Variants in AP3S1 observed in about 807,000 individuals in gnomAD.
AP3S1 encodes adaptor related protein complex 3 subunit sigma 1.
In AP3S1, 12 loss-of-function variants were observed where a neutral mutation model predicts 21.3. That is an observed-to-expected ratio of 0.56 (90% CI 0.36 to 0.91). The LOEUF is 0.91. Among genes scored for constraint, AP3S1 ranks in the 40% least tolerant of loss-of-function variants. AP3S1 has a pLI of 0.01. For synonymous variants in AP3S1, 48 were observed against 78.4 expected, an observed-to-expected ratio of 0.61 and a Z score of 2.05; for missense variants, 116 against 225.0, an observed-to-expected ratio of 0.52 and a Z score of 3.10.
At chr5:115,876,038 G>A (rs1172719727) in intron 3 of AP3S1, among the ~76,000 whole-genome samples, 2 of 152,088 alleles carry the variant, frequency 1.3e-5, no homozygotes, top group Admixed American at 1.3e-4. Flanking sequence ...CTTTTAGGAG[G>A]CATCATGGCG....
At chr5:115,901,353 A>G (rs1314148980) in intron 4 of AP3S1, among the ~76,000 whole-genome samples, 2 of 151,242 alleles carry the variant, frequency 1.3e-5, no homozygotes, top group Admixed American at 6.6e-5. Flanking sequence ...TTGTTCATAC[A>G]TAAGTTTCTG....
At chr5:115,900,259 G>A (rs1751098331) in intron 4 of AP3S1, among the ~76,000 whole-genome samples, 1 of 152,068 alleles carries the variant, frequency 6.6e-6, no homozygotes, top group South Asian at 2.1e-4. Flanking sequence ...CACCAAAAAA[G>A]ATCATTTAAG....
chr5:115,874,258 A>G (rs541441789), intron 3 of AP3S1, among the ~76,000 whole-genome samples: 2 of 152,230 alleles, frequency 1.3e-5, no homozygotes, highest in South Asian at 4.1e-4. Context: ...TATGTATGCC[A>G]TATATGCTAG....
chr5:115,862,462 C>T (rs1236643357), intron 1 of AP3S1, among the ~76,000 whole-genome samples: 1 of 152,072 alleles, frequency 6.6e-6, no homozygotes, highest in South Asian at 2.1e-4. Flanking sequence ...TATGCAAACA[C>T]GTAGAGACTG....
At chr5:115,908,083 GAGA>G (rs1039270926) in intron 5 of AP3S1, among the ~76,000 whole-genome samples, 3 of 152,112 alleles carry the variant, frequency 2.0e-5, no homozygotes, top group Admixed American at 6.6e-5. Context: ...CGATGTGTTT[GAGA>G]AGAAGTAGCA....
intron 3 of AP3S1, among the ~76,000 whole-genome samples, chr5:115,891,697 A>G (rs1324837711): frequency 6.6e-6 from 1 of 152,172 alleles, no homozygotes; most frequent in Non-Finnish European, 1.5e-5. Flanking sequence ...TCGTGGAGTT[A>G]TGAGAAGAGG....
intron 3 of AP3S1, among the ~76,000 whole-genome samples, chr5:115,882,568 G>T (rs1436643005): frequency 1.3e-5 from 2 of 152,158 alleles, no homozygotes; most frequent in Non-Finnish European, 2.9e-5. Flanking sequence ...TCCTTCCTCT[G>T]GAAGGTTCGT....
intron 4 of AP3S1, among the ~76,000 whole-genome samples, chr5:115,901,392 C>CTTTT (rs35793318): frequency 2.7e-5 from 3 of 111,648 alleles, no homozygotes; most frequent in East Asian, 2.7e-4. Context: ...TGCCTATATT[C>CTTTT]TTTTTTTTTT....
At chr5:115,904,491 T>C (rs1751479231) in intron 5 of AP3S1, among the ~76,000 whole-genome samples, 1 of 152,206 alleles carries the variant, frequency 6.6e-6, no homozygotes. Flanking sequence ...TTTCTTTATC[T>C]CAATTTCCCA....
At chr5:115,907,042 G>A in intron 5 of AP3S1, 1 of 937,268 alleles carries the variant, frequency 1.1e-6, no homozygotes, top group Non-Finnish European at 1.3e-6. Context: ...TGGACTTAGT[G>A]TATTTTACTA....
chr5:115,905,511 T>A (rs1751571835), intron 5 of AP3S1, among the ~76,000 whole-genome samples: 1 of 152,236 alleles, frequency 6.6e-6, no homozygotes, highest in Non-Finnish European at 1.5e-5. Context: ...TACAAAATTA[T>A]ATATTTTCTA....
At position 115,848,823 on chromosome 5, in the gene AP3S1, C is replaced by G. The variant is rs138110854; in HGVS notation, c.69+6717C>G. ...ACCCATCTGCCTTTTCAGCTTTCCT[C>G]TCATCAAATCCTTTGAAGTACAATA... On this transcript the variant is annotated intron_variant, in intron 1 of 5. Transcript: ENST00000316788. Among the ~76,000 whole-genome samples, 789 of 152,332 alleles carry G rather than the reference C, an allele frequency of 5.2e-3. 7 individuals are homozygous for G. The highest frequency in any genetic ancestry group is 0.018 in the African/African-American group (761 of 41,570).
rs573929257 is a variant in AP3S1 at position 115,896,535 on chromosome 5, T to C, written c.345+1377T>C. On this transcript the variant is annotated intron_variant, in intron 4 of 5. Coordinates refer to ENST00000316788, the MANE Select transcript of AP3S1 (RefSeq NM_001284.4). ...TGCTCATGTCTGTAATCCCAGCAGT[T>C]TGGGAGGCTGAGGCCGGAGGATTGC... is the stretch of plus-strand genomic sequence containing the variant. Among the ~76,000 whole-genome samples the C allele has an allele frequency of 3.3e-5, 5 of 152,272 alleles. No individual in the cohort carries two copies. In the South Asian group the frequency reaches 1.0e-3, roughly 32 times the overall value.
At chr5:115,880,709 A>T (rs371187082) in intron 3 of AP3S1, among the ~76,000 whole-genome samples, 4 of 152,290 alleles carry the variant, frequency 2.6e-5, no homozygotes, top group Non-Finnish European at 5.9e-5. Context: ...GTAGATGTCT[A>T]TTAGGTCCAC....
chr5:115,845,009 G>T (rs544473695), intron 1 of AP3S1, among the ~76,000 whole-genome samples: 16 of 152,260 alleles, frequency 1.1e-4, no homozygotes, highest in Non-Finnish European at 2.2e-4. Flanking sequence ...GTTGGGATTA[G>T]TTAACTTGCT....
chr5:115,857,444 C>T (rs931929444), intron 1 of AP3S1, among the ~76,000 whole-genome samples: 1 of 152,180 alleles, frequency 6.6e-6, no homozygotes, highest in Non-Finnish European at 1.5e-5. Flanking sequence ...GTAACTTGCT[C>T]AAAGTCACAG....
intron 5 of AP3S1, 27 bp from the exon 6 acceptor site, chr5:115,913,335 T>C: frequency 1.9e-6 from 2 of 1,078,496 alleles, no homozygotes; most frequent in Non-Finnish European, 1.1e-6. Flanking sequence ...TACATTTTCT[T>C]TTTCTTTTAT....
intron 5 of AP3S1, 113 bp downstream of exon 5, chr5:115,903,105 A>G (rs1402402995): frequency 2.7e-6 from 2 of 748,364 alleles, no homozygotes; most frequent in South Asian, 1.6e-5. Flanking sequence ...TTCAGCCGTT[A>G]TGCTTATTCA....
intron 5 of AP3S1, among the ~76,000 whole-genome samples, chr5:115,908,584 A>G (rs1159942609): frequency 6.6e-6 from 1 of 152,124 alleles, no homozygotes; most frequent in African/African-American, 2.4e-5. Context: ...TCTTTTTTTC[A>G]TGCAGGCAAA....
Sources: gnomAD v4.1 joint callset for allele counts (sites outside exome capture counted in the v4.1 genomes callset) on GRCh38, gnomAD v4.1.1 for gene constraint, MANE v1.5 for transcripts, NCBI Gene and HGNC (gene_info 2026-07-23, HGNC 2026-07-21) for gene names.